Variants in MAP4K4 observed in about 807,000 individuals in gnomAD.
MAP4K4 encodes the protein HPK/GCK-like kinase HGK.
Under a neutral mutation model 189.6 loss-of-function variants are expected in MAP4K4, and 38 were observed. That is an observed-to-expected ratio of 0.20 (90% CI 0.15 to 0.26). The LOEUF (loss-of-function observed/expected upper bound fraction) is 0.26, where lower values mean the gene tolerates loss of function less well. Ranked by LOEUF, MAP4K4 falls within the 10% of genes least tolerant of loss-of-function variation. MAP4K4 has a pLI of 1.00. For synonymous variants in MAP4K4, 610 were observed against 624.3 expected, an observed-to-expected ratio of 0.98 and a Z score of 0.34; for missense variants, 1,054 against 1,726.9, an observed-to-expected ratio of 0.61 and a Z score of 6.91.
chr2:101,843,568 G>A (rs1477192848), intron 11 of MAP4K4, among the ~76,000 whole-genome samples: 2 of 152,130 alleles, frequency 1.3e-5, no homozygotes, highest in African/African-American at 2.4e-5. Flanking sequence ...GAAGTAACTC[G>A]GTGGGGAGGT....
chr2:101,885,591 C>T (rs372106473), intron 29 of MAP4K4, among the ~76,000 whole-genome samples: 55 of 152,228 alleles, frequency 3.6e-4, no homozygotes, highest in African/African-American at 1.2e-3. Context: ...TGACCTTCAC[C>T]TGAGTCATGG....
At chr2:101,887,627 T>C in intron 30 of MAP4K4, 151 bp from the exon 31 acceptor site, 2 of 587,530 alleles carry the variant, frequency 3.4e-6, no homozygotes, top group South Asian at 2.7e-5. Context: ...GGGATATATA[T>C]TGCATGACTA....
At chr2:101,855,777 C>T (rs943660195) in intron 12 of MAP4K4, among the ~76,000 whole-genome samples, 200 bp from the exon 13 acceptor site, 2 of 152,114 alleles carry the variant, frequency 1.3e-5, no homozygotes, top group Admixed American at 6.6e-5. Context: ...CACAGAGTCA[C>T]AATACTTTTG....
intron 2 of MAP4K4, among the ~76,000 whole-genome samples, chr2:101,787,945 A>G (rs1453279183): frequency 6.6e-6 from 1 of 151,926 alleles, no homozygotes; most frequent in East Asian, 1.9e-4. Flanking sequence ...CTGGGATTAC[A>G]GGTGCACGCC....
intron 2 of MAP4K4, among the ~76,000 whole-genome samples, chr2:101,737,898 T>C (rs1319366107): frequency 1.3e-5 from 2 of 152,134 alleles, no homozygotes; most frequent in Non-Finnish European, 1.5e-5. Context: ...CAGGAATGAA[T>C]GGAAATGGTG....
intron 2 of MAP4K4, among the ~76,000 whole-genome samples, chr2:101,735,445 A>G (rs2059969248): frequency 6.6e-6 from 1 of 152,202 alleles, no homozygotes; most frequent in South Asian, 2.1e-4. Context: ...CAATCAGGGT[A>G]CCAAGTAGGG....
intron 2 of MAP4K4, among the ~76,000 whole-genome samples, chr2:101,783,154 C>T (rs1489306269): frequency 6.6e-6 from 1 of 152,134 alleles, no homozygotes; most frequent in African/African-American, 2.4e-5. Flanking sequence ...GGCTTAGCTA[C>T]TAGTTGAGTG....
At chr2:101,846,318 G>A (rs904411930) in intron 12 of MAP4K4, among the ~76,000 whole-genome samples, 9 of 152,182 alleles carry the variant, frequency 5.9e-5, no homozygotes, top group African/African-American at 2.2e-4. Flanking sequence ...TTGAGACTCT[G>A]GCTGTTTCTA....
chr2:101,856,394 A>G (rs544464927), intron 13 of MAP4K4, among the ~76,000 whole-genome samples: 6 of 152,352 alleles, frequency 3.9e-5, no homozygotes, highest in African/African-American at 1.4e-4. Flanking sequence ...AGTGGTCTCT[A>G]AATAGTATAA....
intron 3 of MAP4K4, among the ~76,000 whole-genome samples, chr2:101,800,523 TAATC>T (rs2094265705): frequency 6.6e-6 from 1 of 152,224 alleles, no homozygotes; most frequent in African/African-American, 2.4e-5. Flanking sequence ...TATATTTTAA[TAATC>T]ATACATTTAC....
chr2:101,744,711 CA>C (rs2064418324), intron 2 of MAP4K4, among the ~76,000 whole-genome samples: 1 of 152,078 alleles, frequency 6.6e-6, no homozygotes, highest in African/African-American at 2.4e-5. Flanking sequence ...TTGAAGACAC[CA>C]GGGGTGCAGA....
At chr2:101,723,973 TC>T (rs2053743117) in intron 2 of MAP4K4, among the ~76,000 whole-genome samples, 3 of 152,186 alleles carry the variant, frequency 2.0e-5, no homozygotes, top group African/African-American at 7.2e-5. Flanking sequence ...GACATTTTCT[TC>T]CCTGTAACTT....
At chr2:101,833,561 G>A (rs1473042054) in intron 7 of MAP4K4, among the ~76,000 whole-genome samples, 1 of 151,452 alleles carries the variant, frequency 6.6e-6, no homozygotes, top group African/African-American at 2.4e-5. Flanking sequence ...TGGAGCTTGC[G>A]GTGAGCTGAG....
chr2:101,849,678 G>T (rs10489973), intron 12 of MAP4K4, among the ~76,000 whole-genome samples: 17,734 of 141,360 alleles, frequency 0.13, 1,359 homozygotes, highest in South Asian at 0.19. Context: ...CTGTTCCTCT[G>T]TACTTTCATG....
intron 27 of MAP4K4, among the ~76,000 whole-genome samples, chr2:101,879,058 G>A (rs1327213425): frequency 3.3e-5 from 5 of 151,974 alleles, no homozygotes; most frequent in African/African-American, 9.6e-5. Context: ...GACCAGGTGC[G>A]GTGGCGTATG....
intron 2 of MAP4K4, among the ~76,000 whole-genome samples, chr2:101,704,684 T>C (rs2149212501): frequency 6.7e-6 from 1 of 149,206 alleles, no homozygotes; most frequent in South Asian, 2.2e-4. Flanking sequence ...GCGACTCTCC[T>C]GAGTAGCTGG....
At chr2:101,793,295 C>T (rs1223835621) in intron 3 of MAP4K4, among the ~76,000 whole-genome samples, 1 of 152,208 alleles carries the variant, frequency 6.6e-6, no homozygotes, top group Non-Finnish European at 1.5e-5. Context: ...TTTGCTATAG[C>T]ATGGGGCACA....
At chr2:101,703,192 C>T (rs906226612) in intron 2 of MAP4K4, among the ~76,000 whole-genome samples, 12 of 151,856 alleles carry the variant, frequency 7.9e-5, no homozygotes, top group Admixed American at 6.6e-4. Context: ...AGGTGAAGGC[C>T]GAGGCGGGAT....
chr2:101,799,564 C>A (rs957850803), intron 3 of MAP4K4, among the ~76,000 whole-genome samples: 1 of 151,306 alleles, frequency 6.6e-6, no homozygotes, highest in Non-Finnish European at 1.5e-5. Flanking sequence ...CTGTCTTCTT[C>A]TGCTGTATAT....
Sources: allele counts gnomAD v4.1 joint callset (sites outside exome capture counted in the v4.1 genomes callset), GRCh38; gene constraint gnomAD v4.1.1; transcripts MANE v1.5; gene names NCBI Gene and HGNC (gene_info 2026-07-23, HGNC 2026-07-21).